Variants in RSL1D1 observed in about 807,000 individuals in gnomAD.
The protein encoded by RSL1D1 is ribosomal L1 domain containing 1.
RSL1D1 carries 34 observed loss-of-function variants against 44.6 expected under a neutral mutation model. That is an observed-to-expected ratio of 0.76 (90% CI 0.58 to 1.02). The LOEUF (loss-of-function observed/expected upper bound fraction) is 1.02. RSL1D1 is among the 50% of genes least tolerant of loss of function. The pLI is 0.00. For missense variants in RSL1D1, 767 were observed against 568.1 expected (o/e 1.35, Z -3.56); for synonymous variants, 271 against 207.4 (o/e 1.31, Z -2.63).
At chr16:11,846,394 C>CAAAA in intron 5 of RSL1D1, 107 bp downstream of exon 5, 8 of 537,300 alleles carry the variant, frequency 1.5e-5, no homozygotes, top group Non-Finnish European at 2.1e-5. Flanking sequence ...GACTCCATCT[C>CAAAA]AAAAAAAAAA....
At chr16:11,842,922 A>ATT (rs34129214) in intron 5 of RSL1D1, among the ~76,000 whole-genome samples, 2 of 106,766 alleles carry the variant, frequency 1.9e-5, no homozygotes, top group Non-Finnish European at 3.7e-5. Flanking sequence ...CGCCCAGCTA[A>ATT]TTTTTTTTTT....
chr16:11,843,025 G>C (rs1234954292), intron 5 of RSL1D1, among the ~76,000 whole-genome samples: 4 of 147,516 alleles, frequency 2.7e-5, no homozygotes, highest in Non-Finnish European at 6.0e-5. Flanking sequence ...GGGTTCAAGC[G>C]ATTCTCCTGC....
chr16:11,847,218 T>C (rs1445217675), intron 3 of RSL1D1, among the ~76,000 whole-genome samples: 1 of 151,990 alleles, frequency 6.6e-6, no homozygotes, highest in Non-Finnish European at 1.5e-5. Context: ...TCTATAAAAA[T>C]ATAAAAATTA....
At chr16:11,849,646 T>C (rs748569708) in intron 2 of RSL1D1, among the ~76,000 whole-genome samples, 3 of 152,162 alleles carry the variant, frequency 2.0e-5, no homozygotes, top group Non-Finnish European at 4.4e-5. Flanking sequence ...CAAAGAATTT[T>C]TGCTTGACAT....
Position 11,836,432 on chromosome 16 carries a change from GAACT to G in RSL1D1, c.*1351_*1354del, listed in dbSNP as rs2053719309. ...CATTCCTGCACTGCAGTGAATCTGT[GAACT>G]TACTACTACGGATGCATACCAATTC... On this transcript the variant is annotated 3_prime_UTR_variant, in exon 9 of 9. Transcript: ENST00000571133. 1 of 152,172 alleles carries G rather than the reference GAACT, an allele frequency of 6.6e-6. No homozygotes were observed. Among genetic ancestry groups the G allele is most frequent in the South Asian group, 2.1e-4 (1 of 4,836 alleles). The allele number at this position is 152,172 out of a possible 1,614,324, so 9.4% of individuals were successfully genotyped here. A position where few individuals can be genotyped will look rare whatever the true frequency, so the allele number is the denominator to read the frequency against.
At chr16:11,851,257 A>T in intron 1 of RSL1D1, 151 bp downstream of exon 1, 1 of 741,158 alleles carries the variant, frequency 1.3e-6, no homozygotes. Flanking sequence ...ACGTGTGTAA[A>T]GGGGAGAGAC....
chr16:11,849,408 G>C (rs892931002), intron 2 of RSL1D1: 7 of 148,208 alleles, frequency 4.7e-5, no homozygotes, highest in Non-Finnish European at 8.9e-5. Flanking sequence ...AAAAAAAGGA[G>C]AGATAAAAGA....
At chr16:11,849,941 C>T (rs891928391) in intron 2 of RSL1D1, among the ~76,000 whole-genome samples, 1 of 152,160 alleles carries the variant, frequency 6.6e-6, no homozygotes, top group African/African-American at 2.4e-5. Flanking sequence ...CACTCTCCTG[C>T]CTCAGCCTCC....
intron 8 of RSL1D1, among the ~76,000 whole-genome samples, chr16:11,839,193 C>A (rs1296500444): frequency 6.6e-6 from 1 of 152,020 alleles, no homozygotes; most frequent in Non-Finnish European, 1.5e-5. Context: ...TGGCAAAACC[C>A]CGTCTCTACC....
intron 7 of RSL1D1, 49 bp from the exon 8 acceptor site, chr16:11,840,034 T>C (rs1407507191): frequency 6.3e-7 from 1 of 1,587,180 alleles, no homozygotes; most frequent in South Asian, 1.1e-5. Context: ...GTTCTGTTGG[T>C]TAACAAACGG....
At chr16:11,846,132 C>T (rs935281046) in intron 5 of RSL1D1, among the ~76,000 whole-genome samples, 2 of 151,630 alleles carry the variant, frequency 1.3e-5, no homozygotes, top group Non-Finnish European at 2.9e-5. Context: ...GTGGCTCACG[C>T]CTGTAATCCC....
At chr16:11,841,885 T>C in intron 6 of RSL1D1, 22 bp downstream of exon 6, 1 of 1,611,388 alleles carries the variant, frequency 6.2e-7, no homozygotes, top group South Asian at 1.1e-5. Context: ...AACAATCAAT[T>C]GATGCACCTG....
intron 8 of RSL1D1, among the ~76,000 whole-genome samples, chr16:11,838,455 G>A (rs528722863): frequency 2.0e-5 from 3 of 152,144 alleles, no homozygotes; most frequent in South Asian, 4.2e-4. Flanking sequence ...GAGCCACTGT[G>A]CCCGGCCAAG....
Position 11,850,395 on chromosome 16 carries a change from G to A in RSL1D1, c.129C>T (p.Leu43=), listed in dbSNP as rs993832058. Residue 43 remains leucine, a synonymous_variant, in exon 2 of 9, where the codon CTC becomes CTT. Coordinates refer to ENST00000571133, the MANE Select transcript of RSL1D1 (RefSeq NM_015659.3). ...KEQVRKAVDA[L]LTHCKSRKNN... ...TTTTCCTGGACTTGCAATGCGTCAA[G>A]AGAGCGTCCACTGCCTTTCTAACCT... The A allele has an allele frequency of 3.8e-6, 6 of 1,598,234 alleles. No homozygotes were observed. The highest frequency in any genetic ancestry group is 1.4e-5 in the African/African-American group (1 of 73,912).
At chr16:11,846,189 G>A (rs919842860) in intron 5 of RSL1D1, among the ~76,000 whole-genome samples, 13 of 151,446 alleles carry the variant, frequency 8.6e-5, no homozygotes, top group Non-Finnish European at 1.8e-4. Flanking sequence ...TCAGGAGATC[G>A]AGATCATCCT....
At position 11,841,787 on chromosome 16, in the gene RSL1D1, T is replaced by C. The variant is rs2053765324; in HGVS notation, c.763A>G (p.Thr255Ala). ...ATGGGAAGTGCAGCCGATTTCTCAG[T>C]TTTCACAAACAGGAGTTTCACGCTC... ...WESVKLLFVK[T>A]EKSAALPIFS... The change falls in exon 7 of 9, where the codon ACT (threonine) becomes GCT (alanine). Residue 255 changes from threonine to alanine, a missense_variant. Transcript: ENST00000571133. The C allele has an allele frequency of 1.2e-6, 2 of 1,613,980 alleles. No individual in the cohort carries two copies. Among genetic ancestry groups the C allele is most frequent in the South Asian group, 2.2e-5 (2 of 91,046 alleles).
At chr16:11,841,257 A>T (rs762831263) in intron 7 of RSL1D1, 171 of 157,782 alleles carry the variant, frequency 1.1e-3, no homozygotes, top group Middle Eastern at 3.4e-3. Flanking sequence ...AAAATAATTT[A>T]AAAATTAGCT....
intron 8 of RSL1D1, among the ~76,000 whole-genome samples, chr16:11,839,001 G>A (rs952874372): frequency 6.6e-6 from 1 of 152,174 alleles, no homozygotes; most frequent in African/African-American, 2.4e-5. Flanking sequence ...AGCAAATCCT[G>A]AGTCTTCCAA....
At chr16:11,846,921 G>T in intron 3 of RSL1D1, 78 bp from the exon 4 acceptor site, 1 of 1,293,072 alleles carries the variant, frequency 7.7e-7, no homozygotes, top group Non-Finnish European at 1.1e-6. Context: ...CAACAATTTG[G>T]ATTTGGATTT....
Sources: allele counts gnomAD v4.1 joint callset (sites outside exome capture counted in the v4.1 genomes callset), GRCh38; gene constraint gnomAD v4.1.1; transcripts MANE v1.5; gene names NCBI Gene and HGNC (gene_info 2026-07-23, HGNC 2026-07-21).